Variants in PRKCE observed in about 807,000 individuals in gnomAD.
PRKCE encodes the protein protein kinase C epsilon type.
PRKCE carries 16 observed loss-of-function variants against 85.4 expected under a neutral mutation model. The ratio of observed to expected loss-of-function variants is 0.19; its 90% CI spans 0.13 to 0.28. The LOEUF (loss-of-function observed/expected upper bound fraction) is 0.28, where lower values mean the gene tolerates loss of function less well. Among genes scored for constraint, PRKCE ranks in the 10% least tolerant of loss-of-function variants. The probability of loss-of-function intolerance (pLI) is 1.00; values close to 1 mark genes in which losing one functional copy is unlikely to be tolerated. For synonymous variants in PRKCE, 388 were observed against 371.5 expected (o/e 1.04, Z -0.51); for missense variants, 573 against 975.2 (o/e 0.59, Z 5.49).
At chr2:45,663,812 A>G (rs1464708807) in intron 1 of PRKCE, among the ~76,000 whole-genome samples, 1 of 152,186 alleles carries the variant, frequency 6.6e-6, no homozygotes, top group African/African-American at 2.4e-5. Context: ...TTGGACAGGC[A>G]GTTTTTAGCA....
In PRKCE at chr2:45,892,889, T is replaced by G. The variant is rs562943535; in HGVS notation, c.412+49826T>G. ...GCGACCAGAAATGTGCAGCAGTCAG[T>G]AATGTACCCCCCGGGGTTGCTGTTG... On this transcript the variant is annotated intron_variant, in intron 2 of 14. Transcript: ENST00000306156. 3.9e-5 allele frequency among the ~76,000 whole-genome samples: 6 copies of G among 152,270 alleles called. No individual in the cohort carries two copies. The South Asian group carries it at 1.2e-3, about 32-fold the overall frequency.
chr2:46,048,687 C>T (rs1708673397), intron 10 of PRKCE, among the ~76,000 whole-genome samples: 1 of 152,192 alleles, frequency 6.6e-6, no homozygotes, highest in Non-Finnish European at 1.5e-5. Context: ...GGCCAGTTCT[C>T]TCTCTGTTTA....
At chr2:45,726,312 A>G (rs1486019518) in intron 1 of PRKCE, among the ~76,000 whole-genome samples, 3 of 152,222 alleles carry the variant, frequency 2.0e-5, no homozygotes, top group African/African-American at 4.8e-5. Context: ...GGAAGAGTCC[A>G]TTATGTGGCA....
intron 2 of PRKCE, among the ~76,000 whole-genome samples, chr2:45,957,991 C>G (rs558979021): frequency 6.6e-6 from 1 of 150,478 alleles, no homozygotes; most frequent in Admixed American, 6.6e-5. Context: ...TCAACCCCTT[C>G]CCAGAGCTGG....
At chr2:45,971,631 T>C (rs1302482363) in intron 2 of PRKCE, among the ~76,000 whole-genome samples, 1 of 152,236 alleles carries the variant, frequency 6.6e-6, no homozygotes, top group Non-Finnish European at 1.5e-5. Context: ...TTTTGAATTA[T>C]GGTTTTTCAA....
intron 2 of PRKCE, among the ~76,000 whole-genome samples, chr2:45,965,998 G>A (rs989749104): frequency 1.3e-5 from 2 of 151,998 alleles, no homozygotes; most frequent in Admixed American, 1.3e-4. Context: ...GTGTGGGGAG[G>A]TGGGTGATCA....
intron 1 of PRKCE, among the ~76,000 whole-genome samples, chr2:45,761,075 C>G (rs1387238017): frequency 1.3e-5 from 2 of 152,088 alleles, no homozygotes; most frequent in Non-Finnish European, 2.9e-5. Flanking sequence ...CGCCTGTAAT[C>G]CCAGCACTTT....
At chr2:45,743,444 T>C (rs1288330728) in intron 1 of PRKCE, among the ~76,000 whole-genome samples, 1 of 152,108 alleles carries the variant, frequency 6.6e-6, no homozygotes, top group Non-Finnish European at 1.5e-5. Context: ...GATGGAAGTC[T>C]TTCTCTCCAG....
intron 11 of PRKCE, among the ~76,000 whole-genome samples, chr2:46,142,221 C>T (rs905077011): frequency 4.6e-5 from 7 of 152,200 alleles, no homozygotes; most frequent in Non-Finnish European, 5.9e-5. Context: ...CCTGAGCTAT[C>T]CCATCCACTG....
chr2:45,962,839 G>A (rs963662690), intron 2 of PRKCE, among the ~76,000 whole-genome samples: 21 of 152,174 alleles, frequency 1.4e-4, no homozygotes, highest in Admixed American at 2.6e-4. Flanking sequence ...GAAGGAGCAT[G>A]AGTTCGATTC....
rs1039890418 is a variant in PRKCE at position 46,145,346 on chromosome 2, A to C, written c.1731+115A>C. On this transcript the variant is annotated intron_variant, in intron 12 of 14. Coordinates refer to ENST00000306156, the MANE Select transcript of PRKCE (RefSeq NM_005400.3). This position sits in a 1 kb window ranked among gnomAD's most constrained non-coding sequence, Gnocchi z 4.6. ...TGGGGGAAGGCTCTGGAAATCCAGG[A>C]TGGATTCTAGGAAGGAGGGAGAAAA... is the stretch of plus-strand genomic sequence containing the variant. 4 of 1,380,326 alleles carry C rather than the reference A, an allele frequency of 2.9e-6. No homozygotes were observed. The African/African-American group carries it at 5.7e-5, about 20-fold the overall frequency. The allele number at this position is 1,380,326 out of a possible 1,614,324, so 85.5% of individuals were successfully genotyped here.
In PRKCE at chr2:45,792,652, C is replaced by G. The variant is rs1573376832; in HGVS notation, c.349-50348C>G. Among the ~76,000 whole-genome samples, 4 of 152,260 alleles carry G rather than the reference C, an allele frequency of 2.6e-5. No homozygotes were observed. The South Asian group carries it at 8.3e-4, about 32-fold the overall frequency. On this transcript the variant is annotated intron_variant, in intron 1 of 14. Coordinates refer to ENST00000306156, the MANE Select transcript of PRKCE (RefSeq NM_005400.3). ...TGACTCTGGATAATCTACGTAGCCTCTCTGTGCCTGGGTTTCCTGCCTTGA... is the reference window on the plus strand; with the variant it reads ...TGACTCTGGATAATCTACGTAGCCTGTCTGTGCCTGGGTTTCCTGCCTTGA...
At chr2:45,711,157 C>G (rs1212939088) in intron 1 of PRKCE, among the ~76,000 whole-genome samples, 2 of 152,240 alleles carry the variant, frequency 1.3e-5, no homozygotes, top group African/African-American at 4.8e-5. Context: ...ACTCTATGTG[C>G]AGCCACAGGC....
intron 1 of PRKCE, among the ~76,000 whole-genome samples, chr2:45,825,406 T>G (rs1320486094): frequency 1.3e-5 from 2 of 152,234 alleles, no homozygotes; most frequent in African/African-American, 4.8e-5. Context: ...CACCAAACTG[T>G]GTTAGAGCAA....
chr2:45,990,893 C>G (rs967198774), intron 6 of PRKCE, among the ~76,000 whole-genome samples: 1 of 152,100 alleles, frequency 6.6e-6, no homozygotes, highest in East Asian at 1.9e-4. Flanking sequence ...AACTCCTGAC[C>G]TCAAGTGATC....
At chr2:46,065,327 A>G (rs1009790332) in intron 10 of PRKCE, among the ~76,000 whole-genome samples, 6 of 152,192 alleles carry the variant, frequency 3.9e-5, no homozygotes, top group South Asian at 2.1e-4. Context: ...CTGACGGGAA[A>G]CAGTTTTGGG....
chr2:46,025,794 T>G (rs1235107947), intron 10 of PRKCE, among the ~76,000 whole-genome samples: 1 of 152,214 alleles, frequency 6.6e-6, no homozygotes, highest in Admixed American at 6.5e-5. Flanking sequence ...GCAAGCCCTG[T>G]CCAAGGCAGA....
chr2:45,859,439 C>T (rs960962192), intron 2 of PRKCE, among the ~76,000 whole-genome samples: 2 of 152,176 alleles, frequency 1.3e-5, no homozygotes, highest in Non-Finnish European at 2.9e-5. Flanking sequence ...CGCCACCAGA[C>T]ATGTTTGCAA....
intron 2 of PRKCE, among the ~76,000 whole-genome samples, chr2:45,871,907 C>T (rs1287173491): frequency 2.0e-5 from 3 of 152,142 alleles, no homozygotes; most frequent in Admixed American, 6.5e-5. Flanking sequence ...ACCTGAGGAA[C>T]TTGGAGCAGC....
Sources: allele counts gnomAD v4.1 joint callset (sites outside exome capture counted in the v4.1 genomes callset), GRCh38; gene constraint gnomAD v4.1.1; non-coding constraint Gnocchi (gnomAD v3.1); transcripts MANE v1.5; gene names NCBI Gene and HGNC (gene_info 2026-07-23, HGNC 2026-07-21).